Variants in HUNK observed in about 807,000 individuals in gnomAD.
The protein encoded by HUNK is hormonally up-regulated neu tumor-associated kinase.
In HUNK, 21 loss-of-function variants were observed where a neutral mutation model predicts 61.0. The ratio of observed to expected loss-of-function variants is 0.34; its 90% CI spans 0.24 to 0.50. The LOEUF is 0.50. Among genes scored for constraint, HUNK ranks in the 20% least tolerant of loss-of-function variants. HUNK has a pLI of 0.98. For synonymous variants in HUNK, 371 were observed against 386.1 expected, an observed-to-expected ratio of 0.96 and a Z score of 0.46; for missense variants, 772 against 945.7, an observed-to-expected ratio of 0.82 and a Z score of 2.41.
rs111915690 is a variant in HUNK, at chr21:32,000,494, G to T, written c.*1310G>T. The T allele has an allele frequency of 1.6e-3, 646 of 399,194 alleles. 2 individuals carry two copies. Among genetic ancestry groups the T allele is most frequent in the African/African-American group, 0.011 (550 of 48,714 alleles). The allele number at this position is 399,194 out of a possible 1,614,324, so 24.7% of individuals were successfully genotyped here. ...CTGTATCCAGCTGGCACTTGACAGG[G>T]TGCAGTCATTGGTGAGAAGAATCAG... On this transcript the variant is annotated 3_prime_UTR_variant, in exon 11 of 11. Transcript: ENST00000270112.
chr21:31,890,082 G>A (rs976136115), intron 1 of HUNK, among the ~76,000 whole-genome samples: 5 of 152,100 alleles, frequency 3.3e-5, no homozygotes, highest in African/African-American at 1.2e-4. Flanking sequence ...CAGAATAGTT[G>A]AGATTTTTAA....
chr21:31,970,120 G>T (rs1337122132), intron 6 of HUNK, among the ~76,000 whole-genome samples: 1 of 152,150 alleles, frequency 6.6e-6, no homozygotes, highest in African/African-American at 2.4e-5. Context: ...AGAGAAAGGG[G>T]TGTCCTGTGT....
At chr21:31,965,687 T>A (rs1038894190) in intron 5 of HUNK, among the ~76,000 whole-genome samples, 1 of 150,802 alleles carries the variant, frequency 6.6e-6, no homozygotes, top group African/African-American at 2.4e-5. Flanking sequence ...CTGCAAACTC[T>A]GCCTCCTGAG....
At chr21:31,996,243 C>A (rs2053205188) in intron 10 of HUNK, among the ~76,000 whole-genome samples, 1 of 152,142 alleles carries the variant, frequency 6.6e-6, no homozygotes, top group Non-Finnish European at 1.5e-5. Context: ...CACAGTATTG[C>A]AGGAGCAGAG....
At chr21:31,964,936 C>A (rs894463208) in intron 5 of HUNK, among the ~76,000 whole-genome samples, 2 of 152,130 alleles carry the variant, frequency 1.3e-5, no homozygotes, top group African/African-American at 4.8e-5. Context: ...TGGGTTGTTG[C>A]CCAAGTCCTT....
intron 5 of HUNK, among the ~76,000 whole-genome samples, chr21:31,959,899 C>A (rs951685003): frequency 6.6e-6 from 1 of 152,222 alleles, no homozygotes; most frequent in Non-Finnish European, 1.5e-5. Flanking sequence ...TCAGCCCATA[C>A]TGTCACCTCA....
At chr21:31,958,732 T>G in intron 4 of HUNK, 111 bp from the exon 5 acceptor site, 115 of 999,342 alleles carry the variant, frequency 1.2e-4, no homozygotes, top group Non-Finnish European at 1.5e-4. Flanking sequence ...GAGGGCCTGT[T>G]GAGGTTGGCA....
At chr21:31,922,765 G>A (rs1361815809) in intron 1 of HUNK, among the ~76,000 whole-genome samples, 1 of 152,172 alleles carries the variant, frequency 6.6e-6, no homozygotes, top group African/African-American at 2.4e-5. Flanking sequence ...CTGAAAACAT[G>A]TATTCATCTG....
At chr21:31,979,891 C>T (rs62216103) in intron 7 of HUNK, among the ~76,000 whole-genome samples, 16,643 of 152,078 alleles carry the variant, frequency 0.11, 1,268 homozygotes, top group Non-Finnish European at 0.17. Context: ...TTTACTCTGT[C>T]GATTATTTCC....
At position 31,999,018 on chromosome 21, in the gene HUNK, G is replaced by A. The variant is rs749763269; in HGVS notation, c.1979G>A (p.Arg660Gln). Reference protein sequence around the residue: ...PLGSPNCVKSRGRFPMMGIGQ... With the variant: ...PLGSPNCVKSQGRFPMMGIGQ... Reference sequence around the variant, plus strand: ...GGGAGCCCCAATTGTGTGAAAAGCCGAGGCCGGTTCCCTATGATGGGCATC... The same window carrying A: ...GGGAGCCCCAATTGTGTGAAAAGCCAAGGCCGGTTCCCTATGATGGGCATC... Residue 660 changes from arginine to glutamine, a missense_variant, in exon 11 of 11, where the codon CGA (arginine) becomes CAA (glutamine). Physicochemically the swap from Arg to Gln is conservative, Grantham distance 43 (BLOSUM62 1). This residue lies in a region of HUNK where 413 missense variants were observed against 444.4 expected (regional missense o/e 0.93). Coordinates refer to ENST00000270112, the MANE Select transcript of HUNK (RefSeq NM_014586.2). 21 of 1,614,078 alleles carry A rather than the reference G, an allele frequency of 1.3e-5. No homozygotes were observed. The highest frequency in any genetic ancestry group is 2.7e-5 in the African/African-American group (2 of 74,938).
In HUNK at chr21:31,995,028, G is replaced by A. The variant is rs2053194500; in HGVS notation, c.1306-740G>A. Among the ~76,000 whole-genome samples the A allele has an allele frequency of 2.6e-5, 4 of 152,020 alleles. 1 individual carries two copies. In the South Asian group the frequency reaches 8.3e-4, roughly 32 times the overall value. ...TTAAAAAATAGCTGGGCATGGTGAT[G>A]CACACCTGTAGTCCCAGCTACTCAG... On this transcript the variant is annotated intron_variant, in intron 9 of 10. Coordinates refer to ENST00000270112, the MANE Select transcript of HUNK (RefSeq NM_014586.2).
intron 1 of HUNK, among the ~76,000 whole-genome samples, chr21:31,901,567 A>G (rs2052468064): frequency 6.6e-6 from 1 of 152,136 alleles, no homozygotes; most frequent in East Asian, 1.9e-4. Flanking sequence ...TTGAAGTCTC[A>G]AAGTTAAGGA....
At chr21:31,909,251 T>C (rs1184014231) in intron 1 of HUNK, among the ~76,000 whole-genome samples, 1 of 152,222 alleles carries the variant, frequency 6.6e-6, no homozygotes, top group African/African-American at 2.4e-5. Flanking sequence ...CCTTGCTATC[T>C]CAATATTCTC....
At position 31,880,388 on chromosome 21, in the gene HUNK, C is replaced by T. The variant is rs190306166; in HGVS notation, c.261+6453C>T. ...TGTCACAGTTCTGGAGGCTAGGATC[C>T]AAAACCAAGGTGTTGGCAGGGCCAT... On this transcript the variant is annotated intron_variant, in intron 1 of 10. Coordinates refer to ENST00000270112, the MANE Select transcript of HUNK (RefSeq NM_014586.2). Among the ~76,000 whole-genome samples the T allele has an allele frequency of 2.0e-4, 31 of 152,282 alleles. No individual in the cohort carries two copies. In the East Asian group the frequency reaches 5.8e-3, roughly 28 times the overall value.
chr21:31,934,494 T>G (rs2052719473), intron 2 of HUNK, among the ~76,000 whole-genome samples: 1 of 151,500 alleles, frequency 6.6e-6, no homozygotes, highest in Non-Finnish European at 1.5e-5. Flanking sequence ...ATGAAGAAAT[T>G]CACCCCTTTT....
At chr21:31,915,626 T>C (rs1006480088) in intron 1 of HUNK, among the ~76,000 whole-genome samples, 3 of 152,208 alleles carry the variant, frequency 2.0e-5, no homozygotes, top group Non-Finnish European at 4.4e-5. Flanking sequence ...TTTTGGAGAT[T>C]GGATACATCA....
chr21:31,993,221 C>T (rs2053182778), intron 9 of HUNK, among the ~76,000 whole-genome samples: 1 of 152,122 alleles, frequency 6.6e-6, no homozygotes, highest in South Asian at 2.1e-4. Context: ...GCACAGCAAA[C>T]CCCCACGCAT....
intron 2 of HUNK, among the ~76,000 whole-genome samples, chr21:31,929,644 C>T (rs2052683861): frequency 6.6e-6 from 1 of 152,144 alleles, no homozygotes; most frequent in African/African-American, 2.4e-5. Flanking sequence ...CTGGGTAATA[C>T]AATACCACCA....
At chr21:31,981,673 T>C (rs1435482292) in intron 7 of HUNK, among the ~76,000 whole-genome samples, 1 of 152,212 alleles carries the variant, frequency 6.6e-6, no homozygotes, top group Non-Finnish European at 1.5e-5. Context: ...GTTGTTAGTG[T>C]ATGAAAACAC....
Sources: allele counts gnomAD v4.1 joint callset (sites outside exome capture counted in the v4.1 genomes callset), GRCh38; gene constraint gnomAD v4.1.1; regional missense constraint gnomAD v4.1.1; transcripts MANE v1.5; gene names NCBI Gene and HGNC (gene_info 2026-07-23, HGNC 2026-07-21).